The following GRIK2 variants were observed in gnomAD, a reference collection of about 807,000 sequenced individuals.
GRIK2 encodes glutamate ionotropic receptor kainate type subunit 2.
Under a neutral mutation model 100.3 loss-of-function variants are expected in GRIK2, and 32 were observed. The observed-to-expected ratio is 0.32, with a 90% CI of 0.24 to 0.43. The LOEUF is 0.43. GRIK2 is among the 20% of genes least tolerant of loss of function. The pLI, the probability that GRIK2 is intolerant of heterozygous loss-of-function variation, is 1.00. For missense variants in GRIK2, 843 were observed against 1,114.9 expected (o/e 0.76, Z 3.47); for synonymous variants, 417 against 389.4 (o/e 1.07, Z -0.83).
At chr6:101,496,456 A>G (rs907329192) in intron 2 of GRIK2, among the ~76,000 whole-genome samples, 1 of 152,140 alleles carries the variant, frequency 6.6e-6, no homozygotes, top group Non-Finnish European at 1.5e-5. Context: ...ATTTGTAACT[A>G]CTTGCTGGGA....
At position 101,848,944 on chromosome 6, in the gene GRIK2, G is replaced by T. The variant is rs533781888; in HGVS notation, c.1318-10343G>T. Among the ~76,000 whole-genome samples, 113 of 151,870 alleles carry T rather than the reference G, an allele frequency of 7.4e-4. 1 individual carries two copies. Among genetic ancestry groups the T allele is most frequent in the African/African-American group, 2.5e-3 (102 of 41,430 alleles). On this transcript the variant is annotated intron_variant, in intron 10 of 16. Coordinates refer to ENST00000369134, the MANE Select transcript of GRIK2 (RefSeq NM_021956.5). ...TGTAAGCATTAGTTATATTTCTTGGGTGTTTTTCATCATTTGAGAAGAATA... is the reference window on the plus strand; with the variant it reads ...TGTAAGCATTAGTTATATTTCTTGGTTGTTTTTCATCATTTGAGAAGAATA...
intron 2 of GRIK2, among the ~76,000 whole-genome samples, chr6:101,505,445 C>T (rs1388219690): frequency 6.6e-6 from 1 of 152,148 alleles, no homozygotes; most frequent in Admixed American, 6.6e-5. Flanking sequence ...TTCAATGTTT[C>T]AGGTGTCAGT....
At chr6:101,707,175 G>A (rs1773362178) in intron 7 of GRIK2, among the ~76,000 whole-genome samples, 1 of 151,548 alleles carries the variant, frequency 6.6e-6, no homozygotes, top group Non-Finnish European at 1.5e-5. Context: ...GGCAGTGTGG[G>A]CTTATAGATG....
At chr6:102,049,649 C>T (rs766196470) in intron 15 of GRIK2, among the ~76,000 whole-genome samples, 10 of 152,046 alleles carry the variant, frequency 6.6e-5, no homozygotes, top group Non-Finnish European at 1.3e-4. Context: ...CTTTACAAAT[C>T]AAACAGATGT....
At chr6:101,535,600 CT>C (rs143329211) in intron 2 of GRIK2, among the ~76,000 whole-genome samples, 14,652 of 151,676 alleles carry the variant, frequency 0.097, 819 homozygotes, top group Middle Eastern at 0.15. Context: ...CTCACATCCT[CT>C]TTCCCCCCAC....
intron 2 of GRIK2, among the ~76,000 whole-genome samples, chr6:101,464,404 G>A (rs1268609879): frequency 4.0e-5 from 6 of 151,372 alleles, no homozygotes; most frequent in African/African-American, 1.5e-4. Flanking sequence ...TCCTGAGCAG[G>A]AGCCAATTGC....
In GRIK2 at chr6:102,055,525, T is replaced by C. The variant is rs1274930975; in HGVS notation, c.2507T>C (p.Phe836Ser). 2 of 1,612,938 alleles carry C rather than the reference T, an allele frequency of 1.2e-6. No individual in the cohort carries two copies. The highest frequency in any genetic ancestry group is 2.2e-5 in the East Asian group (1 of 44,838). Residue 836 changes from phenylalanine (F) to serine (S), a missense_variant, in exon 16 of 17, where the codon TTT (phenylalanine) becomes TCT (serine). Physicochemically the swap from Phe to Ser is radical, Grantham distance 155. Coordinates refer to ENST00000369134, the MANE Select transcript of GRIK2 (RefSeq NM_021956.5). Reference sequence around the variant, plus strand: ...GCAGCCGGCTTGGTGCTTTCAGTTTTTGTGGCAGTGGGAGAATTTTTATAC... The same window carrying C: ...GCAGCCGGCTTGGTGCTTTCAGTTTCTGTGGCAGTGGGAGAATTTTTATAC... ...VLAAGLVLSV[F>S]VAVGEFLYKS...
intron 14 of GRIK2, among the ~76,000 whole-genome samples, chr6:101,944,167 C>G (rs1791132102): frequency 6.6e-6 from 1 of 152,108 alleles, no homozygotes; most frequent in Non-Finnish European, 1.5e-5. Context: ...GTCTTGCTTC[C>G]CCTTCACCTT....
At chr6:101,657,745 T>C (rs1769297247) in intron 4 of GRIK2, among the ~76,000 whole-genome samples, 2 of 152,220 alleles carry the variant, frequency 1.3e-5, no homozygotes, top group African/African-American at 4.8e-5. Flanking sequence ...TTTGAGCTAA[T>C]GTCAAGATTC....
At chr6:101,553,889 A>G (rs570752358) in intron 2 of GRIK2, among the ~76,000 whole-genome samples, 2 of 152,280 alleles carry the variant, frequency 1.3e-5, no homozygotes. Context: ...GAATCACAGT[A>G]CTCACTTTGT....
intron 14 of GRIK2, among the ~76,000 whole-genome samples, chr6:101,959,652 A>G (rs1247434893): frequency 1.3e-5 from 2 of 151,790 alleles, no homozygotes; most frequent in African/African-American, 2.4e-5. Flanking sequence ...TTGAATTTCT[A>G]TTCCCTTGAG....
At position 101,814,891 on chromosome 6, in the gene GRIK2, A is replaced by G. The variant is rs575513917; in HGVS notation, c.1204-3479A>G. Among the ~76,000 whole-genome samples, 320 of 152,330 alleles carry G rather than the reference A, an allele frequency of 2.1e-3. 1 individual carries two copies. The highest frequency in any genetic ancestry group is 7.5e-3 in the African/African-American group (311 of 41,584). Reference sequence around the variant, plus strand: ...AGTGTATAAACAGAATATAATTAGTAATTGTCATAATTATAGCATACTTAT... The same window carrying G: ...AGTGTATAAACAGAATATAATTAGTGATTGTCATAATTATAGCATACTTAT... On this transcript the variant is annotated intron_variant, in intron 9 of 16. Transcript: ENST00000369134.
intron 1 of GRIK2, among the ~76,000 whole-genome samples, chr6:101,398,149 C>A (rs1168608293): frequency 2.0e-5 from 3 of 152,086 alleles, no homozygotes; most frequent in African/African-American, 7.2e-5. Flanking sequence ...ATGCTATGAT[C>A]TCATATTCTG....
At chr6:101,730,512 A>C (rs1775186390) in intron 7 of GRIK2, among the ~76,000 whole-genome samples, 1 of 151,954 alleles carries the variant, frequency 6.6e-6, no homozygotes, top group Admixed American at 6.6e-5. Context: ...AATGAACAAA[A>C]ACAGTGCTGG....
intron 14 of GRIK2, among the ~76,000 whole-genome samples, chr6:101,932,674 G>T (rs1478064471): frequency 6.6e-6 from 1 of 151,742 alleles, no homozygotes; most frequent in African/African-American, 2.4e-5. Flanking sequence ...CTGCACAGCA[G>T]GAGAATAGGG....
At chr6:101,863,082 G>T (rs1234897995) in intron 11 of GRIK2, among the ~76,000 whole-genome samples, 1 of 151,618 alleles carries the variant, frequency 6.6e-6, no homozygotes, top group Admixed American at 6.6e-5. Context: ...ATAAATCTCA[G>T]ATCTGTCCCA....
chr6:101,637,157 T>C (rs563385418), intron 4 of GRIK2, among the ~76,000 whole-genome samples: 1 of 152,294 alleles, frequency 6.6e-6, no homozygotes, highest in East Asian at 1.9e-4. Flanking sequence ...ATTCCCAGTC[T>C]TGTTTTCTCA....
chr6:101,726,817 A>G (rs1774903448), intron 7 of GRIK2, among the ~76,000 whole-genome samples: 1 of 152,042 alleles, frequency 6.6e-6, no homozygotes, highest in Admixed American at 6.6e-5. Flanking sequence ...TTATGTTTCT[A>G]AATAAAAACC....
intron 7 of GRIK2, among the ~76,000 whole-genome samples, chr6:101,783,342 T>C (rs1007868813): frequency 6.6e-6 from 1 of 152,102 alleles, no homozygotes; most frequent in Non-Finnish European, 1.5e-5. Flanking sequence ...CTTGCCACCA[T>C]GTAAGACATA....
Sources: allele counts gnomAD v4.1 joint callset (sites outside exome capture counted in the v4.1 genomes callset), GRCh38; gene constraint gnomAD v4.1.1; transcripts MANE v1.5; gene names NCBI Gene and HGNC (gene_info 2026-07-23, HGNC 2026-07-21).